Variants in HERC2 observed in about 807,000 individuals in gnomAD.
HERC2 encodes the protein HECT and RLD domain containing E3 ubiquitin protein ligase 2.
A neutral mutation model predicts 537.7 loss-of-function variants in HERC2; 102 were observed. The ratio of observed to expected loss-of-function variants is 0.19; its 90% CI spans 0.16 to 0.22. The LOEUF (loss-of-function observed/expected upper bound fraction) is 0.22. HERC2 is among the 10% of genes least tolerant of loss of function. HERC2 has a pLI of 1.00. For missense variants in HERC2, 4,236 were observed against 6,198.2 expected (o/e 0.68, Z 10.63); for synonymous variants, 2,224 against 2,466.2 (o/e 0.90, Z 2.91).
chr15:28,186,473 G>A, intron 56 of HERC2, 104 bp downstream of exon 56: 1 of 825,426 alleles, frequency 1.2e-6, no homozygotes, highest in Non-Finnish European at 1.8e-6. Flanking sequence ...GACATAAAAT[G>A]ACTCTCAGTA....
At chr15:28,306,559 G>C (rs1208279770) in intron 2 of HERC2, among the ~76,000 whole-genome samples, 1 of 152,074 alleles carries the variant, frequency 6.6e-6, no homozygotes, top group African/African-American at 2.4e-5. Flanking sequence ...GTCTGGTTTT[G>C]GTATCAGGGT....
At chr15:28,199,816 A>G (rs1374358252) in intron 48 of HERC2, among the ~76,000 whole-genome samples, 2 of 152,164 alleles carry the variant, frequency 1.3e-5, no homozygotes, top group Non-Finnish European at 2.9e-5. Flanking sequence ...CTCCTATTGT[A>G]TTGGAGAAAC....
chr15:28,196,274 G>A lies in HERC2; in HGVS notation c.8201C>T (p.Thr2734Met), dbSNP rs1490625243. The A allele has an allele frequency of 7.5e-6, 11 of 1,468,824 alleles. No individual in the cohort carries two copies. The highest frequency in any genetic ancestry group is 6.8e-5 in the East Asian group (3 of 43,940). 91.0% of individuals were successfully genotyped at this position (1,468,824 alleles called of 1,614,324 possible). ...RNCDDFDFCE[T>M]CFKTKKHNTR... is the part of the protein sequence containing the mutation. Reference sequence around the variant, plus strand: ...ATTGTGTTTTTTGGTCTTGAAACACGTTTCACAAAAATCAAAGTCATCACA... The same window carrying A: ...ATTGTGTTTTTTGGTCTTGAAACACATTTCACAAAAATCAAAGTCATCACA... The change falls in exon 52 of 93, where the codon ACG (threonine) becomes ATG (methionine). Residue 2734 changes from threonine (T) to methionine (M), a missense_variant. Physicochemically the swap from Thr to Met is moderately conservative, Grantham distance 81. This residue lies in a region of HERC2 where 606 missense variants were observed against 884.5 expected (regional missense o/e 0.69). Transcript: ENST00000261609.
intron 2 of HERC2, chr15:28,315,697 G>C (rs921318195): frequency 1.2e-5 from 10 of 807,338 alleles, no homozygotes; most frequent in Middle Eastern, 3.4e-4. Flanking sequence ...TGCGCCATGA[G>C]AGCCAAGTGG....
At chr15:28,117,470 C>A (rs927987070) in intron 86 of HERC2, 2 of 640,434 alleles carry the variant, frequency 3.1e-6, no homozygotes, top group Non-Finnish European at 5.8e-6. Context: ...TGCGGCCCGG[C>A]AGCACCACCC....
At chr15:28,128,002 T>C (rs1439361918) in intron 83 of HERC2, among the ~76,000 whole-genome samples, 2 of 152,150 alleles carry the variant, frequency 1.3e-5, no homozygotes, top group African/African-American at 4.8e-5. Context: ...ACCAAGCAAC[T>C]GTAGTGAGCA....
intron 2 of HERC2, among the ~76,000 whole-genome samples, chr15:28,304,748 T>C (rs868796698): frequency 7.0e-6 from 1 of 142,578 alleles, no homozygotes; most frequent in East Asian, 2.0e-4. Context: ...TTAGGGTACA[T>C]GTGCACATTG....
At chr15:28,321,870 A>T (rs2077239822) in intron 1 of HERC2, among the ~76,000 whole-genome samples, 1 of 145,834 alleles carries the variant, frequency 6.9e-6, no homozygotes, top group Non-Finnish European at 1.5e-5. Context: ...TGAAACAAAA[A>T]ATTACTCAAA....
chr15:28,252,037 C>T (rs1260063059), intron 20 of HERC2, among the ~76,000 whole-genome samples: 2 of 152,122 alleles, frequency 1.3e-5, no homozygotes, highest in African/African-American at 2.4e-5. Flanking sequence ...ACACAGTTGA[C>T]GAAGTAGACT....
chr15:28,141,929 C>T (rs1209156618), intron 76 of HERC2, 83 bp from the exon 77 acceptor site: 8 of 1,090,478 alleles, frequency 7.3e-6, no homozygotes, highest in African/African-American at 1.6e-5. Context: ...CAGAAGGAAT[C>T]CCTGCCTAAA....
At position 28,233,536 on chromosome 15, in the gene HERC2, A is replaced by G. The variant is rs1335741118; in HGVS notation, c.4377T>C (p.His1459=). The change falls in exon 29 of 93, where the codon CAT becomes CAC. Residue 1459 remains histidine (H), a synonymous_variant. Coordinates refer to ENST00000261609, the MANE Select transcript of HERC2 (RefSeq NM_004667.6). ...DLGHVALSLV[H]AGALGIEQVK... The stretch of plus-strand genomic sequence containing the variant: ...CTTGCTCAATACCAAGTGCACCTGC[A>G]TGAACTAAAGATAATGCCACATGAC... 2.5e-6 allele frequency: 4 copies of G among 1,609,680 alleles called. No homozygotes were observed. Among genetic ancestry groups the G allele is most frequent in the Non-Finnish European group, 3.4e-6 (4 of 1,176,114 alleles).
intron 16 of HERC2, among the ~76,000 whole-genome samples, chr15:28,260,247 C>T (rs919091999): frequency 6.6e-6 from 1 of 151,898 alleles, no homozygotes; most frequent in Non-Finnish European, 1.5e-5. Context: ...TACTAACACA[C>T]TAAAGAAGGA....
chr15:28,164,100 C>T (rs112162082), intron 68 of HERC2, among the ~76,000 whole-genome samples: 2 of 152,202 alleles, frequency 1.3e-5, no homozygotes, highest in African/African-American at 2.4e-5. Flanking sequence ...GCATGGGAAC[C>T]GCTGTGACCC....
At position 28,192,121 on chromosome 15, in the gene HERC2, C is replaced by T. The variant is rs1896909071; in HGVS notation, c.8291G>A (p.Gly2764Glu). The T allele has an allele frequency of 4.3e-6, 7 of 1,613,768 alleles. No homozygotes were observed. In the African/African-American group the frequency reaches 8.0e-5, roughly 18 times the overall value. The change falls in exon 53 of 93, where the codon GGA (glycine) becomes GAA (glutamate). Residue 2764 changes from glycine (G) to glutamate (E), a missense_variant. Coordinates refer to ENST00000261609, the MANE Select transcript of HERC2 (RefSeq NM_004667.6). ...GQSAVFCGRS[G>E]KQLKRCHSSQ... The stretch of plus-strand genomic sequence containing the variant: ...GCTGTGGCAACGCTTCAGCTGTTTT[C>T]CAGAACGGCCACAAAATACCGCAGA...
intron 64 of HERC2, 117 bp downstream of exon 64, chr15:28,175,395 T>A: frequency 9.9e-7 from 1 of 1,005,812 alleles, no homozygotes; most frequent in Non-Finnish European, 1.5e-6. Context: ...CTCCAAGCAG[T>A]AAGACTCAGC....
intron 16 of HERC2, among the ~76,000 whole-genome samples, chr15:28,259,588 A>T (rs1367217272): frequency 6.6e-6 from 1 of 152,292 alleles, no homozygotes; most frequent in East Asian, 1.9e-4. Context: ...AGAAAACCAC[A>T]AACCAACATC....
At chr15:28,289,157 G>A (rs2076242714) in intron 4 of HERC2, among the ~76,000 whole-genome samples, 1 of 152,010 alleles carries the variant, frequency 6.6e-6, no homozygotes, top group Non-Finnish European at 1.5e-5. Context: ...ATAAAAAACA[G>A]AGGTTGCCAG....
At chr15:28,194,875 G>T (rs567509401) in intron 52 of HERC2, among the ~76,000 whole-genome samples, 3 of 152,068 alleles carry the variant, frequency 2.0e-5, no homozygotes, top group African/African-American at 7.2e-5. Context: ...GGCCAACATG[G>T]TGAAATCTCA....
intron 2 of HERC2, among the ~76,000 whole-genome samples, chr15:28,303,433 G>A (rs2076690239): frequency 6.6e-6 from 1 of 152,136 alleles, no homozygotes; most frequent in African/African-American, 2.4e-5. Flanking sequence ...CTTGATCTAA[G>A]CCAAAAAAGA....
Sources: gnomAD v4.1 joint callset for allele counts (sites outside exome capture counted in the v4.1 genomes callset) on GRCh38, gnomAD v4.1.1 for gene constraint, gnomAD v4.1.1 regional missense constraint, MANE v1.5 for transcripts, NCBI Gene and HGNC (gene_info 2026-07-23, HGNC 2026-07-21) for gene names.